The following ABLIM2 variants were observed in gnomAD, a reference collection of about 807,000 sequenced individuals.
ABLIM2 encodes actin binding LIM protein family member 2.
Under a neutral mutation model 97.7 loss-of-function variants are expected in ABLIM2, and 53 were observed. The observed-to-expected ratio is 0.54, with a 90% CI of 0.44 to 0.68. The LOEUF (loss-of-function observed/expected upper bound fraction) is 0.68. Ranked by LOEUF, ABLIM2 falls within the 30% of genes least tolerant of loss-of-function variation. ABLIM2 has a pLI of 0.00. For synonymous variants in ABLIM2, 361 were observed against 345.8 expected, an observed-to-expected ratio of 1.04 and a Z score of -0.49; for missense variants, 835 against 867.2, an observed-to-expected ratio of 0.96 and a Z score of 0.47.
rs1774620798 is a variant in ABLIM2 at position 8,022,731 on chromosome 4, T to G, written c.1268-2428A>C. 1 of 152,612 alleles carries G rather than the reference T, an allele frequency of 6.6e-6. No individual in the cohort carries two copies. Among genetic ancestry groups the G allele is most frequent in the South Asian group, 2.1e-4 (1 of 4,826 alleles). 9.5% of individuals were successfully genotyped at this position (152,612 alleles called of 1,614,324 possible). ...CATGCCTGCCTGCTGCCTGTGAGGCTTCGTTGGAACAAAATGCATCGCCAG... is the reference window on the plus strand; with the variant it reads ...CATGCCTGCCTGCTGCCTGTGAGGCGTCGTTGGAACAAAATGCATCGCCAG... On this transcript the variant is annotated intron_variant, in intron 12 of 20. Coordinates refer to ENST00000447017, the MANE Select transcript of ABLIM2 (RefSeq NM_001130083.2). The surrounding 1 kb of genome is among the most constrained non-coding windows in gnomAD (Gnocchi z 7.8).
At chr4:8,049,577 C>G (rs550553168) in intron 8 of ABLIM2, among the ~76,000 whole-genome samples, 2 of 152,316 alleles carry the variant, frequency 1.3e-5, no homozygotes, top group East Asian at 3.9e-4. Context: ...TTAACATCAA[C>G]GCAGACCTTA....
chr4:8,020,421 GC>G, intron 12 of ABLIM2, 118 bp from the exon 13 acceptor site: 2 of 910,986 alleles, frequency 2.2e-6, no homozygotes, highest in Non-Finnish European at 3.5e-6. Flanking sequence ...TGGTGGAGCA[GC>G]CCAGATCCCC....
At chr4:7,989,636 T>A (rs1163334286) in intron 17 of ABLIM2, among the ~76,000 whole-genome samples, 3 of 152,240 alleles carry the variant, frequency 2.0e-5, no homozygotes, top group Non-Finnish European at 2.9e-5. Flanking sequence ...TTTAGTATCT[T>A]TCTTATCCTT....
chr4:8,078,503 G>T (rs1188287450), intron 5 of ABLIM2, among the ~76,000 whole-genome samples: 1 of 152,252 alleles, frequency 6.6e-6, no homozygotes, highest in Admixed American at 6.5e-5. Context: ...CCCTGGCACA[G>T]CTCCTGAGCT....
intron 1 of ABLIM2, among the ~76,000 whole-genome samples, chr4:8,117,177 T>C (rs1429005903): frequency 6.6e-6 from 1 of 152,100 alleles, no homozygotes; most frequent in Non-Finnish European, 1.5e-5. Flanking sequence ...CTCTTGGAGG[T>C]AGATATTCTT....
At chr4:8,100,399 T>TTCCC (rs1394865963) in intron 2 of ABLIM2, among the ~76,000 whole-genome samples, 1 of 152,178 alleles carries the variant, frequency 6.6e-6, no homozygotes, top group Non-Finnish European at 1.5e-5. Context: ...CTCAGAGTCC[T>TTCCC]CATGTGTAAA....
chr4:7,967,989 A>C (rs960715390), intron 20 of ABLIM2, among the ~76,000 whole-genome samples: 2 of 151,584 alleles, frequency 1.3e-5, no homozygotes, highest in African/African-American at 4.9e-5. Context: ...TGCAACCCCT[A>C]CTCTCCTGCC....
chr4:8,091,560 T>C (rs1445481075), intron 3 of ABLIM2, among the ~76,000 whole-genome samples: 1 of 50,468 alleles, frequency 2.0e-5, no homozygotes, highest in African/African-American at 1.1e-4. Context: ...TATAATTATA[T>C]ATATTATATA....
intron 14 of ABLIM2, among the ~76,000 whole-genome samples, chr4:8,017,788 T>C (rs577688826): frequency 3.3e-4 from 50 of 152,142 alleles, no homozygotes; most frequent in Non-Finnish European, 6.2e-4. Flanking sequence ...GGTCAAAAGA[T>C]TGAGATCATC....
At chr4:8,152,201 C>A (rs1364058306) in intron 1 of ABLIM2, among the ~76,000 whole-genome samples, 2 of 152,220 alleles carry the variant, frequency 1.3e-5, no homozygotes, top group African/African-American at 4.8e-5. Flanking sequence ...AGCAACCAAT[C>A]CCCCACAGCC....
At chr4:7,975,292 G>A (rs1447923714) in intron 20 of ABLIM2, among the ~76,000 whole-genome samples, 1 of 152,208 alleles carries the variant, frequency 6.6e-6, no homozygotes, top group Non-Finnish European at 1.5e-5. Flanking sequence ...CAACACCTTA[G>A]TTTGAACCTC....
At chr4:8,099,615 G>A (rs553452762) in intron 2 of ABLIM2, among the ~76,000 whole-genome samples, 64 of 152,324 alleles carry the variant, frequency 4.2e-4, no homozygotes, top group South Asian at 8.3e-4. Flanking sequence ...GGAGGCTGAG[G>A]CAGGCAGATC....
Position 8,043,897 on chromosome 4 carries a change from C to T in ABLIM2, c.900+1267G>A, listed in dbSNP as rs1370082597. The stretch of plus-strand genomic sequence containing the variant: ...GATTACTGAGGGGCTCCCAGAGGCT[C>T]CAGGCGGGCGGCACCTCGCCCAGGG... On this transcript the variant is annotated intron_variant, in intron 9 of 20. Coordinates refer to ENST00000447017, the MANE Select transcript of ABLIM2 (RefSeq NM_001130083.2). The surrounding 1 kb of genome is among the most constrained non-coding windows in gnomAD (Gnocchi z 4.8). 6.6e-6 allele frequency among the ~76,000 whole-genome samples: 1 copy of T among 152,098 alleles called. No homozygotes were observed. The highest frequency in any genetic ancestry group is 1.5e-5 in the Non-Finnish European group (1 of 68,000).
chr4:8,086,591 C>T (rs1358484335), intron 4 of ABLIM2, among the ~76,000 whole-genome samples: 1 of 152,072 alleles, frequency 6.6e-6, no homozygotes, highest in Non-Finnish European at 1.5e-5. Flanking sequence ...GTGATCCACC[C>T]GCCCCGGCCT....
At chr4:8,136,155 G>C (rs749772149) in intron 1 of ABLIM2, among the ~76,000 whole-genome samples, 1 of 152,348 alleles carries the variant, frequency 6.6e-6, no homozygotes, top group South Asian at 2.1e-4. Context: ...AGAGGCTACA[G>C]CATGGATGGC....
chr4:7,991,401 T>TC (rs36123975), intron 17 of ABLIM2, among the ~76,000 whole-genome samples: 49,807 of 152,104 alleles, frequency 0.33, 8,547 homozygotes, highest in African/African-American at 0.42. Context: ...CTTGGCTTGG[T>TC]CGGACTGTGA....
At chr4:8,118,945 G>T (rs1844003056) in intron 1 of ABLIM2, among the ~76,000 whole-genome samples, 1 of 152,162 alleles carries the variant, frequency 6.6e-6, no homozygotes, top group South Asian at 2.1e-4. Flanking sequence ...AGACGCAAAA[G>T]CTCACCAGGT....
At position 8,056,112 on chromosome 4, in the gene ABLIM2, C is replaced by CAAAAAAAA. The variant is rs60992903; in HGVS notation, c.764-1874_764-1867dup. Among the ~76,000 whole-genome samples the CAAAAAAAA allele has an allele frequency of 4.9e-3, 336 of 68,314 alleles. 39 individuals carry two copies. Among genetic ancestry groups the CAAAAAAAA allele is most frequent in the African/African-American group, 7.2e-3 (107 of 14,822 alleles). 44.8% of individuals were successfully genotyped at this position (68,314 alleles called of 152,430 possible). Reference sequence around the variant, plus strand: ...TGGGTAACAGAGCAAGACTCTGTCTCAAAAAAAAAAAAAAAAAAAAAAAAA... The same window carrying CAAAAAAAA: ...TGGGTAACAGAGCAAGACTCTGTCTCAAAAAAAAAAAAAAAAAAAAAAAAAAAAAAAAA... On this transcript the variant is annotated intron_variant, in intron 7 of 20. Transcript: ENST00000447017.
At chr4:8,059,563 T>C (rs1801519350) in intron 7 of ABLIM2, among the ~76,000 whole-genome samples, 1 of 152,018 alleles carries the variant, frequency 6.6e-6, no homozygotes, top group Non-Finnish European at 1.5e-5. Context: ...ACACCTTTCT[T>C]CTTTGTTGTA....
Sources: gnomAD v4.1 joint callset for allele counts (sites outside exome capture counted in the v4.1 genomes callset) on GRCh38, gnomAD v4.1.1 for gene constraint, Gnocchi (gnomAD v3.1) non-coding constraint, MANE v1.5 for transcripts, NCBI Gene and HGNC (gene_info 2026-07-23, HGNC 2026-07-21) for gene names.